ITCH: variants seen among roughly 807,000 people sequenced by gnomAD.
The protein encoded by ITCH is itchy E3 ubiquitin protein ligase, also known as E3 ubiquitin-protein ligase Itchy homolog.
Under a neutral mutation model 126.8 loss-of-function variants are expected in ITCH, and 28 were observed. The observed-to-expected ratio is 0.22, with a 90% confidence interval of 0.16 to 0.30. The LOEUF (loss-of-function observed/expected upper bound fraction) is 0.30. Among genes scored for constraint, ITCH ranks in the 10% least tolerant of loss-of-function variants. ITCH has a pLI of 1.00. For synonymous variants in ITCH, 342 were observed against 340.0 expected (o/e 1.01, Z -0.06); for missense variants, 631 against 1,032.4 (o/e 0.61, Z 5.33).
At chr20:34,385,527 A>C (rs1161238842) in intron 2 of ITCH, among the ~76,000 whole-genome samples, 1 of 152,160 alleles carries the variant, frequency 6.6e-6, no homozygotes, top group Admixed American at 6.6e-5. Flanking sequence ...AAAGCTAGAA[A>C]CAACTTGTAA....
intron 16 of ITCH, among the ~76,000 whole-genome samples, chr20:34,472,009 C>A (rs1226860506): frequency 6.6e-6 from 1 of 152,012 alleles, no homozygotes; most frequent in Non-Finnish European, 1.5e-5. Flanking sequence ...TCATTGGTGA[C>A]AGTATCTAAA....
chr20:34,375,294 G>A (rs1197914327), intron 2 of ITCH, among the ~76,000 whole-genome samples: 3 of 151,248 alleles, frequency 2.0e-5, no homozygotes, highest in African/African-American at 7.3e-5. Flanking sequence ...GCCTGCCTCG[G>A]CCTCCCAAAA....
At chr20:34,455,920 G>T (rs910974457) in intron 12 of ITCH, among the ~76,000 whole-genome samples, 1 of 151,758 alleles carries the variant, frequency 6.6e-6, no homozygotes, top group Admixed American at 6.6e-5. Flanking sequence ...AGTAATTAGA[G>T]AACTGAGTTC....
chr20:34,412,016 G>C (rs1752389458), intron 4 of ITCH, among the ~76,000 whole-genome samples: 1 of 152,122 alleles, frequency 6.6e-6, no homozygotes, highest in South Asian at 2.1e-4. Flanking sequence ...TTAATGTCAG[G>C]ATTTTATTCA....
chr20:34,413,726 C>G lies in ITCH; in HGVS notation c.338-16C>G. 6.3e-7 allele frequency: 1 copy of G among 1,589,792 alleles called. No homozygotes were observed. Among genetic ancestry groups the G allele is most frequent in the African/African-American group, 1.4e-5 (1 of 74,068 alleles). ...AAAAAAGTGACCATTTTTTCTGTAA[C>G]TTTATTTTCTTCCAGTTGAAGAAGT... On this transcript the variant is annotated splice_polypyrimidine_tract_variant and intron_variant, in intron 5 of 24. Coordinates refer to ENST00000374864, the MANE Select transcript of ITCH (RefSeq NM_031483.7).
intron 16 of ITCH, among the ~76,000 whole-genome samples, chr20:34,474,587 TC>T (rs1429930783): frequency 6.6e-6 from 1 of 152,216 alleles, no homozygotes; most frequent in Non-Finnish European, 1.5e-5. Flanking sequence ...ACGGCAACCA[TC>T]CGATTTCTCA....
chr20:34,421,600 G>GTT, intron 6 of ITCH, among the ~76,000 whole-genome samples: 1 of 152,022 alleles, frequency 6.6e-6, no homozygotes, highest in South Asian at 2.1e-4. Flanking sequence ...GATTTTTGTT[G>GTT]TTGTTGTTGT....
intron 16 of ITCH, among the ~76,000 whole-genome samples, chr20:34,474,367 T>C (rs1987933439): frequency 6.6e-6 from 1 of 152,166 alleles, no homozygotes; most frequent in African/African-American, 2.4e-5. Context: ...TGATGACTCT[T>C]AACGAGCATG....
intron 4 of ITCH, among the ~76,000 whole-genome samples, chr20:34,411,634 A>G (rs559135528): frequency 1.3e-5 from 2 of 152,308 alleles, no homozygotes; most frequent in African/African-American, 2.4e-5. Flanking sequence ...GTAGACTTCA[A>G]AGGAGGAAAG....
chr20:34,385,458 T>C (rs1270512865), intron 2 of ITCH, among the ~76,000 whole-genome samples: 2 of 152,082 alleles, frequency 1.3e-5, no homozygotes, highest in Non-Finnish European at 2.9e-5. Flanking sequence ...ACAATACTTA[T>C]AGTAGTACAA....
chr20:34,378,087 T>G (rs1399491713), intron 2 of ITCH, among the ~76,000 whole-genome samples: 1 of 152,050 alleles, frequency 6.6e-6, no homozygotes, highest in Non-Finnish European at 1.5e-5. Context: ...CAAAATGTCA[T>G]TATTTTAGAG....
At chr20:34,460,231 C>G (rs1472865887) in intron 13 of ITCH, among the ~76,000 whole-genome samples, 1 of 151,950 alleles carries the variant, frequency 6.6e-6, no homozygotes, top group East Asian at 1.9e-4. Flanking sequence ...GTCTGTCACC[C>G]AGGCTGGAGT....
chr20:34,427,916 A>G (rs1433796203), intron 7 of ITCH, among the ~76,000 whole-genome samples: 3 of 152,210 alleles, frequency 2.0e-5, no homozygotes, highest in African/African-American at 7.2e-5. Context: ...TCATCAAACC[A>G]CTTGTACTCT....
At chr20:34,449,628 T>C in intron 12 of ITCH, 148 bp downstream of exon 12, 1 of 624,222 alleles carries the variant, frequency 1.6e-6, no homozygotes. Flanking sequence ...TATATATCAG[T>C]TTAATTCACA....
chr20:34,413,856 A>G lies in ITCH; in HGVS notation c.452A>G (p.Asn151Ser), dbSNP rs751456152. The G allele has an allele frequency of 4.5e-5, 72 of 1,613,546 alleles. No individual in the cohort carries two copies. The highest frequency in any genetic ancestry group is 5.3e-5 in the Non-Finnish European group (63 of 1,179,576). ...GLQLESEVVT[N>S]GETTCSESAS... is the part of the protein sequence containing the mutation. ...CAGTTAGAGTCTGAAGTTGTTACCAATGGTGAAACTACATGTTCAGAAAGT... is the reference window on the plus strand; with the variant it reads ...CAGTTAGAGTCTGAAGTTGTTACCAGTGGTGAAACTACATGTTCAGAAAGT... Residue 151 changes from asparagine to serine, a missense_variant, in exon 6 of 25, where the codon AAT (asparagine) becomes AGT (serine). Physicochemically the swap from Asn to Ser is conservative, Grantham distance 46. This residue lies in a region of ITCH where 220 missense variants were observed against 265.7 expected (regional missense o/e 0.83). Coordinates refer to ENST00000374864, the MANE Select transcript of ITCH (RefSeq NM_031483.7).
intron 23 of ITCH, among the ~76,000 whole-genome samples, chr20:34,498,347 G>T (rs1261853878): frequency 2.0e-5 from 3 of 152,030 alleles, no homozygotes; most frequent in Non-Finnish European, 4.4e-5. Flanking sequence ...AATTGCTTTG[G>T]CTGGGACTTC....
intron 23 of ITCH, among the ~76,000 whole-genome samples, chr20:34,503,761 C>A (rs571225007): frequency 1.8e-4 from 27 of 151,614 alleles, no homozygotes; most frequent in African/African-American, 6.3e-4. Context: ...TTACACTTAC[C>A]AGAATCACCC....
chr20:34,370,023 T>G (rs574323089), intron 2 of ITCH, among the ~76,000 whole-genome samples: 121 of 151,410 alleles, frequency 8.0e-4, no homozygotes, highest in African/African-American at 2.8e-3. Flanking sequence ...GAGGATCACT[T>G]GAGCCAGGAG....
At position 34,408,736 on chromosome 20, in the gene ITCH, G is replaced by C; in HGVS notation, c.156G>C (p.Lys52Asn). The C allele has an allele frequency of 6.2e-7, 1 of 1,614,032 alleles. No individual in the cohort carries two copies. Among genetic ancestry groups the C allele is most frequent in the Non-Finnish European group, 8.5e-7 (1 of 1,179,954 alleles). Residue 52 changes from lysine to asparagine, a missense_variant, in exon 4 of 25, where the codon AAG becomes AAC. Transcript: ENST00000374864. ...YVEVTVDGQS[K>N]KTEKCNNTNS... ...AGGTCACAGTAGATGGACAGTCAAA[G>C]AAGACAGAAAAATGCAACAACACAA...
Sources: gnomAD v4.1 joint callset for allele counts (sites outside exome capture counted in the v4.1 genomes callset) on GRCh38, gnomAD v4.1.1 for gene constraint, gnomAD v4.1.1 regional missense constraint, MANE v1.5 for transcripts, NCBI Gene and HGNC (gene_info 2026-07-23, HGNC 2026-07-21) for gene names.